ZMAT4: variants seen among roughly 807,000 people sequenced by gnomAD.
ZMAT4 encodes the protein zinc finger matrin-type 4, also known as zinc finger matrin-type protein 4.
Under a neutral mutation model 28.7 loss-of-function variants are expected in ZMAT4, and 17 were observed. The observed-to-expected ratio is 0.59, with a 90% CI of 0.41 to 0.89. The LOEUF (loss-of-function observed/expected upper bound fraction) is 0.89, where lower values mean the gene tolerates loss of function less well. ZMAT4 is among the 40% of genes least tolerant of loss of function. The pLI is 0.00. For synonymous variants in ZMAT4, 117 were observed against 109.2 expected (o/e 1.07, Z -0.44); for missense variants, 240 against 283.8 (o/e 0.85, Z 1.11).
At chr8:40,589,976 CCTTCCTT>C (rs1563354196) in intron 5 of ZMAT4, among the ~76,000 whole-genome samples, 2,054 of 87,036 alleles carry the variant, frequency 0.024, 137 homozygotes, top group Non-Finnish European at 0.035. Context: ...TCCCTCCCTT[CCTTCCTT>C]CCTTCCTTCC....
chr8:40,884,091 T>G (rs2150666180), intron 1 of ZMAT4, among the ~76,000 whole-genome samples: 1 of 152,316 alleles, frequency 6.6e-6, no homozygotes, highest in East Asian at 1.9e-4. Flanking sequence ...CACCACCCGC[T>G]GGACTGAGGT....
intron 5 of ZMAT4, among the ~76,000 whole-genome samples, chr8:40,671,799 T>TACATAAA (rs1808680514): frequency 6.6e-6 from 1 of 152,204 alleles, no homozygotes; most frequent in Admixed American, 6.5e-5. Flanking sequence ...TCACTATACA[T>TACATAAA]ATAATATGCA....
At position 40,644,758 on chromosome 8, in the gene ZMAT4, G is replaced by T. The variant is rs191877582; in HGVS notation, c.577+29946C>A. ...AGTGACCAAGATGATCAACAGCCAG[G>T]TGACCAAAGTCAACATCAGCAGCAA... is the stretch of plus-strand genomic sequence containing the variant. On this transcript the variant is annotated intron_variant, in intron 5 of 6. Coordinates refer to ENST00000297737, the MANE Select transcript of ZMAT4 (RefSeq NM_024645.3). Among the ~76,000 whole-genome samples, 262 of 152,248 alleles carry T rather than the reference G, an allele frequency of 1.7e-3. 5 individuals carry two copies. Among genetic ancestry groups the T allele is most frequent in the Admixed American group, 0.016 (240 of 15,284 alleles).
At chr8:40,824,965 A>T (rs908129920) in intron 2 of ZMAT4, among the ~76,000 whole-genome samples, 2 of 152,128 alleles carry the variant, frequency 1.3e-5, no homozygotes, top group Non-Finnish European at 2.9e-5. Context: ...AGGATCAAAA[A>T]GTGGTCTGTT....
At chr8:40,620,633 T>C (rs191482726) in intron 5 of ZMAT4, among the ~76,000 whole-genome samples, 154 of 152,338 alleles carry the variant, frequency 1.0e-3, no homozygotes, top group African/African-American at 3.6e-3. Context: ...CAATTAACAA[T>C]TCCTCACTCC....
intron 3 of ZMAT4, among the ~76,000 whole-genome samples, chr8:40,752,756 C>A (rs558056951): frequency 6.6e-6 from 1 of 152,296 alleles, no homozygotes; most frequent in South Asian, 2.1e-4. Context: ...ATTCAGTGGA[C>A]TCTTGCAAGG....
In ZMAT4 at chr8:40,559,487, A is replaced by C. The variant is rs1052947614; in HGVS notation, c.674+21678T>G. On this transcript the variant is annotated intron_variant, in intron 6 of 6. Transcript: ENST00000297737. ...TACCTCCTCCTATAACCTGTTAAATATGTGTACTTGGCCAACTTGTTTAGC... is the reference window on the plus strand; with the variant it reads ...TACCTCCTCCTATAACCTGTTAAATCTGTGTACTTGGCCAACTTGTTTAGC... 3.9e-5 allele frequency among the ~76,000 whole-genome samples: 6 copies of C among 152,086 alleles called. No homozygotes were observed. In the East Asian group the frequency reaches 1.2e-3, roughly 30 times the overall value.
chr8:40,826,980 G>A (rs1027487641), intron 1 of ZMAT4, among the ~76,000 whole-genome samples: 1 of 152,292 alleles, frequency 6.6e-6, no homozygotes. Context: ...CATGCTGTAT[G>A]AAGAGGCAAA....
intron 5 of ZMAT4, among the ~76,000 whole-genome samples, chr8:40,607,744 C>T (rs1434513067): frequency 6.6e-6 from 1 of 152,114 alleles, no homozygotes; most frequent in Admixed American, 6.5e-5. Context: ...GTGCTCTCCC[C>T]ATTCCCCTAG....
At chr8:40,858,155 A>G (rs572378203) in intron 1 of ZMAT4, among the ~76,000 whole-genome samples, 2 of 152,326 alleles carry the variant, frequency 1.3e-5, no homozygotes, top group African/African-American at 4.8e-5. Flanking sequence ...ATAGACCTCA[A>G]TACTTTTTTC....
chr8:40,758,521 C>T (rs1192569469), intron 3 of ZMAT4, among the ~76,000 whole-genome samples: 5 of 152,154 alleles, frequency 3.3e-5, no homozygotes, highest in Admixed American at 6.5e-5. Flanking sequence ...ATTAAGGACC[C>T]TTAACCATTC....
chr8:40,589,752 CTTTCTTTCTT>C (rs1804801743), intron 5 of ZMAT4, among the ~76,000 whole-genome samples: 1 of 146,888 alleles, frequency 6.8e-6, no homozygotes, highest in South Asian at 2.2e-4. Context: ...TTCTTTCTTT[CTTTCTTTCTT>C]TTTCTTTCTT....
At chr8:40,806,121 A>C (rs779374517) in intron 2 of ZMAT4, among the ~76,000 whole-genome samples, 74 of 152,330 alleles carry the variant, frequency 4.9e-4, no homozygotes, top group Admixed American at 2.6e-3. Context: ...TTTAAAAACC[A>C]AAACGGTAAA....
chr8:40,752,138 C>T (rs921833606), intron 3 of ZMAT4, among the ~76,000 whole-genome samples: 48 of 152,170 alleles, frequency 3.2e-4, no homozygotes, highest in African/African-American at 1.1e-3. Context: ...TTCCTCATTC[C>T]CCCAGGAAGC....
intron 5 of ZMAT4, among the ~76,000 whole-genome samples, chr8:40,663,191 C>T (rs1808273926): frequency 6.6e-6 from 1 of 152,164 alleles, no homozygotes; most frequent in African/African-American, 2.4e-5. Flanking sequence ...TATGATCACC[C>T]TTCCCCATCT....
chr8:40,542,925 C>T (rs984931347), intron 6 of ZMAT4, among the ~76,000 whole-genome samples: 2 of 152,190 alleles, frequency 1.3e-5, no homozygotes, highest in Non-Finnish European at 2.9e-5. Context: ...TTCCTTTCAC[C>T]TCCACCAGGC....
At chr8:40,604,034 C>T (rs377340233) in intron 5 of ZMAT4, among the ~76,000 whole-genome samples, 11 of 152,074 alleles carry the variant, frequency 7.2e-5, no homozygotes, top group Non-Finnish European at 1.0e-4. Flanking sequence ...TTGCTTTTGG[C>T]GTATAGCAGT....
chr8:40,775,977 C>T (rs181623967), intron 2 of ZMAT4, among the ~76,000 whole-genome samples: 9 of 152,284 alleles, frequency 5.9e-5, no homozygotes, highest in East Asian at 3.9e-4. Context: ...GCTGTCTACA[C>T]GCCAGGAGAG....
chr8:40,573,141 T>C (rs1441136737), intron 6 of ZMAT4, among the ~76,000 whole-genome samples: 2 of 152,200 alleles, frequency 1.3e-5, no homozygotes, highest in Non-Finnish European at 2.9e-5. Flanking sequence ...TTATCCATGG[T>C]GGCATCATCT....
Sources: gnomAD v4.1 joint callset for allele counts (sites outside exome capture counted in the v4.1 genomes callset) on GRCh38, gnomAD v4.1.1 for gene constraint, MANE v1.5 for transcripts, NCBI Gene and HGNC (gene_info 2026-07-23, HGNC 2026-07-21) for gene names.